The following ADAMTS17 variants were observed in gnomAD, a reference collection of about 807,000 sequenced individuals.
The protein encoded by ADAMTS17 is A disintegrin and metalloproteinase with thrombospondin motifs 17.
A neutral mutation model predicts 141.5 loss-of-function variants in ADAMTS17; 113 were observed. The ratio of observed to expected loss-of-function variants is 0.80; its 90% CI spans 0.69 to 0.93. The LOEUF is 0.93. ADAMTS17 is among the 40% of genes least tolerant of loss of function. The pLI, the probability that ADAMTS17 is intolerant of heterozygous loss-of-function variation, is 0.00. For missense variants in ADAMTS17, 1,659 were observed against 1,517.9 expected (o/e 1.09, Z -1.54); for synonymous variants, 768 against 630.6 (o/e 1.22, Z -3.27).
At chr15:100,270,642 C>A (rs1265739184) in intron 4 of ADAMTS17, among the ~76,000 whole-genome samples, 1 of 151,314 alleles carries the variant, frequency 6.6e-6, no homozygotes, top group Non-Finnish European at 1.5e-5. Context: ...TGCATGCGTA[C>A]CAGGCACTGA....
intron 14 of ADAMTS17, among the ~76,000 whole-genome samples, chr15:100,099,763 G>T (rs1246573146): frequency 9.8e-6 from 1 of 101,746 alleles, no homozygotes; most frequent in Non-Finnish European, 2.2e-5. Flanking sequence ...TATGAGATGG[G>T]ATGGAACGGG....
chr15:100,147,649 C>T (rs2038972470), intron 10 of ADAMTS17, among the ~76,000 whole-genome samples: 1 of 152,230 alleles, frequency 6.6e-6, no homozygotes, highest in African/African-American at 2.4e-5. Context: ...ACATATGCAG[C>T]TGATACTGAC....
intron 13 of ADAMTS17, among the ~76,000 whole-genome samples, chr15:100,113,976 T>G (rs1596470293): frequency 6.6e-6 from 1 of 152,190 alleles, no homozygotes; most frequent in Non-Finnish European, 1.5e-5. Context: ...TCAATGAGAT[T>G]CCATGAGAAA....
chr15:100,275,083 C>A (rs921306578), intron 4 of ADAMTS17, among the ~76,000 whole-genome samples: 8 of 152,126 alleles, frequency 5.3e-5, no homozygotes, highest in African/African-American at 1.2e-4. Flanking sequence ...ACAGGGTGGG[C>A]CTCATCAGAG....
At position 100,050,434 on chromosome 15, in the gene ADAMTS17, G is replaced by A. The variant is rs113205035; in HGVS notation, c.2455+1138C>T. 3.4e-3 allele frequency among the ~76,000 whole-genome samples: 521 copies of A among 152,300 alleles called. 2 individuals are homozygous for A. The highest frequency in any genetic ancestry group is 0.011 in the African/African-American group (463 of 41,570). The stretch of plus-strand genomic sequence containing the variant: ...AGGGCTGAGGGGGAGAAGGCCCCCC[G>A]GGGAGAGGTGCAGAGTGGAGGATGC... On this transcript the variant is annotated intron_variant, in intron 17 of 21. Transcript: ENST00000268070.
intron 10 of ADAMTS17, among the ~76,000 whole-genome samples, chr15:100,138,578 G>A (rs1207723593): frequency 6.6e-6 from 1 of 152,194 alleles, no homozygotes; most frequent in African/African-American, 2.4e-5. Context: ...AAATTATCCA[G>A]AATGCAGCCT....
chr15:99,999,644 G>A (rs1420679192), intron 18 of ADAMTS17, among the ~76,000 whole-genome samples: 1 of 152,178 alleles, frequency 6.6e-6, no homozygotes, highest in African/African-American at 2.4e-5. Context: ...ATGGAATACT[G>A]GAGGGTTTTG....
intron 13 of ADAMTS17, among the ~76,000 whole-genome samples, chr15:100,109,918 A>G (rs764233698): frequency 6.6e-6 from 1 of 152,004 alleles, no homozygotes; most frequent in Non-Finnish European, 1.5e-5. Context: ...CTCCACATGC[A>G]CTGTGCACAC....
At chr15:100,262,850 C>G (rs748598817) in intron 4 of ADAMTS17, among the ~76,000 whole-genome samples, 2 of 148,482 alleles carry the variant, frequency 1.3e-5, no homozygotes, top group Non-Finnish European at 3.0e-5. Context: ...GTCCATACAT[C>G]AAGTCTTATT....
intron 8 of ADAMTS17, among the ~76,000 whole-genome samples, chr15:100,179,523 CTT>C (rs2040452496): frequency 6.6e-6 from 1 of 152,170 alleles, no homozygotes; most frequent in African/African-American, 2.4e-5. Context: ...GCAGATATCT[CTT>C]TGATATACTG....
At position 100,262,449 on chromosome 15, in the gene ADAMTS17, A is replaced by G. The variant is rs759477598; in HGVS notation, c.790-14T>C. The G allele has an allele frequency of 1.9e-6, 3 of 1,605,938 alleles. No individual in the cohort carries two copies. In the South Asian group the frequency reaches 3.3e-5, roughly 18 times the overall value. On this transcript the variant is annotated splice_polypyrimidine_tract_variant and intron_variant, in intron 4 of 21. Coordinates refer to ENST00000268070, the MANE Select transcript of ADAMTS17 (RefSeq NM_139057.4). ...CATATTGTATACCTATCAAGACAGA[A>G]AAAAGAAATAAAGATATAAAGATAA...
Position 100,208,594 on chromosome 15 carries a change from T to C in ADAMTS17, c.1076-9171A>G, listed in dbSNP as rs191457606. Among the ~76,000 whole-genome samples, 603 of 152,308 alleles carry C rather than the reference T, an allele frequency of 4.0e-3. 5 individuals carry two copies. The highest frequency in any genetic ancestry group is 0.013 in the African/African-American group (553 of 41,558). Reference sequence around the variant, plus strand: ...AAGAGGCCCTGCCCGGGGGCTGATATTGTCTTGTTTCTAGATCCAGGTCAT... The same window carrying C: ...AAGAGGCCCTGCCCGGGGGCTGATACTGTCTTGTTTCTAGATCCAGGTCAT... On this transcript the variant is annotated intron_variant, in intron 7 of 21. Transcript: ENST00000268070.
chr15:100,341,598 A>C (rs1250932994), intron 1 of ADAMTS17, among the ~76,000 whole-genome samples, 189 bp from the exon 2 acceptor site: 2 of 149,658 alleles, frequency 1.3e-5, no homozygotes, highest in Non-Finnish European at 3.0e-5. Context: ...CCGCGCGAGC[A>C]CCTCCCGGAA....
chr15:100,165,195 T>C (rs1410576007), intron 8 of ADAMTS17, among the ~76,000 whole-genome samples: 1 of 152,224 alleles, frequency 6.6e-6, no homozygotes, highest in African/African-American at 2.4e-5. Flanking sequence ...GCCACTCTGA[T>C]CTTGCTCCCA....
chr15:100,202,316 T>A (rs1293212521), intron 7 of ADAMTS17, among the ~76,000 whole-genome samples: 2 of 152,258 alleles, frequency 1.3e-5, no homozygotes, highest in African/African-American at 4.8e-5. Flanking sequence ...GATTTTTTTT[T>A]AACTAGAAAA....
chr15:100,025,082 A>G (rs569398835), intron 18 of ADAMTS17, among the ~76,000 whole-genome samples: 2 of 152,292 alleles, frequency 1.3e-5, no homozygotes, highest in African/African-American at 4.8e-5. Context: ...CCTATAGCCA[A>G]TACATTTCTC....
chr15:100,006,515 G>C (rs1275870799), intron 18 of ADAMTS17, among the ~76,000 whole-genome samples: 1 of 152,190 alleles, frequency 6.6e-6, no homozygotes, highest in African/African-American at 2.4e-5. Context: ...GTTGAATATA[G>C]AGGGAATCTC....
At chr15:100,024,347 T>C (rs1280991332) in intron 18 of ADAMTS17, among the ~76,000 whole-genome samples, 5 of 152,212 alleles carry the variant, frequency 3.3e-5, no homozygotes, top group African/African-American at 1.2e-4. Flanking sequence ...CCTCCCACCT[T>C]GGCCTCCCAA....
At chr15:100,197,329 T>C (rs1021648602) in intron 8 of ADAMTS17, among the ~76,000 whole-genome samples, 2 of 152,224 alleles carry the variant, frequency 1.3e-5, no homozygotes, top group African/African-American at 2.4e-5. Flanking sequence ...CAAAGGCCCA[T>C]AGCAACTCGG....
Sources: allele counts gnomAD v4.1 joint callset (sites outside exome capture counted in the v4.1 genomes callset), GRCh38; gene constraint gnomAD v4.1.1; transcripts MANE v1.5; gene names NCBI Gene and HGNC (gene_info 2026-07-23, HGNC 2026-07-21).